The following AK6 variants were observed in gnomAD, a reference collection of about 807,000 sequenced individuals.
AK6 encodes adenylate kinase 6.
In AK6, 24 loss-of-function variants were observed where a neutral mutation model predicts 23.7. The ratio of observed to expected loss-of-function variants is 1.01; its 90% CI spans 0.73 to 1.43. AK6 has a LOEUF of 1.43. Ranked by LOEUF, AK6 falls within the 40% of genes most tolerant of loss-of-function variation. The pLI, the probability that AK6 is intolerant of heterozygous loss-of-function variation, is 0.00. For synonymous variants in AK6, 73 were observed against 69.8 expected (o/e 1.05, Z -0.23); for missense variants, 191 against 199.1 (o/e 0.96, Z 0.24).
At chr5:69,364,397 T>C (rs1029257359) in intron 2 of AK6, among the ~76,000 whole-genome samples, 1 of 152,032 alleles carries the variant, frequency 6.6e-6, no homozygotes, top group Non-Finnish European at 1.5e-5. Flanking sequence ...TAAGGGTCCT[T>C]AATATAACCA....
chr5:69,360,304 G>A (rs559482953), intron 2 of AK6, among the ~76,000 whole-genome samples: 1 of 152,328 alleles, frequency 6.6e-6, no homozygotes, highest in East Asian at 1.9e-4. Context: ...CTGTAGGGAT[G>A]TGTAGGAGAA....
At chr5:69,369,584 G>A, upstream of AK6, 1 of 1,599,204 alleles carries the variant, frequency 6.3e-7, no homozygotes, top group Non-Finnish European at 8.5e-7. Flanking sequence ...AAAGCCCACG[G>A]CCCCAAAGGC....
chr5:69,355,653 T>G lies in AK6; in HGVS notation c.322A>C (p.Thr108Pro). The part of the protein sequence containing the change: ...DTNVLYERLE[T>P]RGYNEKKLTD... ...CTAATGTTTTTCCTTTCTTACCTTG[T>G]TTCAAGTCTTTCGTACAATACATTG... The change falls in exon 4 of 5, where the codon ACA becomes CCA. Residue 108 changes from threonine (T) to proline (P), a missense_variant. Physicochemically the swap from Thr to Pro is conservative, Grantham distance 38. Transcript: ENST00000380822. 1 of 1,594,362 alleles carries G rather than the reference T, an allele frequency of 6.3e-7. No individual in the cohort carries two copies. The highest frequency in any genetic ancestry group is 8.5e-7 in the Non-Finnish European group (1 of 1,173,814).
intron 4 of AK6, 146 bp downstream of exon 4, chr5:69,355,503 C>T (rs1034391472): frequency 8.4e-6 from 7 of 828,838 alleles, no homozygotes; most frequent in Admixed American, 6.4e-5. Flanking sequence ...TGCCCTCCAG[C>T]CTGGGTGACA....
At chr5:69,361,741 A>G (rs1215132632) in intron 2 of AK6, among the ~76,000 whole-genome samples, 1 of 151,402 alleles carries the variant, frequency 6.6e-6, no homozygotes, top group East Asian at 2.0e-4. Flanking sequence ...AGTAGCTGGG[A>G]TTACTGGGGC....
chr5:69,369,241 C>CCCCCCCCCCCA, intron 1 of AK6: 1 of 240,186 alleles, frequency 4.2e-6, no homozygotes, highest in Non-Finnish European at 7.9e-6. Flanking sequence ...CCCCCGCCCC[C>CCCCCCCCCCCA]CCCCGGAGCC....
At chr5:69,353,600 A>G (rs1271406015) in intron 4 of AK6, among the ~76,000 whole-genome samples, 1 of 152,058 alleles carries the variant, frequency 6.6e-6, no homozygotes, top group Non-Finnish European at 1.5e-5. Flanking sequence ...CCACCCCCAA[A>G]ATTTTCTAAA....
intron 2 of AK6, chr5:69,364,896 C>G: frequency 6.6e-7 from 1 of 1,522,052 alleles, no homozygotes; most frequent in Non-Finnish European, 8.9e-7. Context: ...AATATCAGTA[C>G]AATGAATTCA....
In AK6 at chr5:69,369,463, C is replaced by A; in HGVS notation, c.28G>T (p.Gly10Cys). 6.2e-7 allele frequency: 1 copy of A among 1,610,758 alleles called. No homozygotes were observed. Among genetic ancestry groups the A allele is most frequent in the Non-Finnish European group, 8.5e-7 (1 of 1,179,176 alleles). MLLPNILLTGTPGVGKTTLG... is the reference protein window; with the variant it reads MLLPNILLTCTPGVGKTTLG... ...GTCCCTCCCGGCCGCGCGCCCTGAC[C>A]GGTGAGCAGGATGTTCGGAAGCAAC... Residue 10 changes from glycine (G) to cysteine (C), a missense_variant and splice_region_variant, in exon 1 of 5, where the codon GGT (glycine) becomes TGT (cysteine). Gly to Cys is a radical substitution (Grantham distance 159, BLOSUM62 -3). Transcript: ENST00000380822.
chr5:69,362,849 T>C (rs902886038), intron 2 of AK6, among the ~76,000 whole-genome samples: 1 of 152,154 alleles, frequency 6.6e-6, no homozygotes, highest in Non-Finnish European at 1.5e-5. Context: ...GAAAAAATAC[T>C]TTTCCTTTAA....
intron 2 of AK6, among the ~76,000 whole-genome samples, chr5:69,360,286 T>C (rs955819946): frequency 1.3e-5 from 2 of 152,076 alleles, no homozygotes; most frequent in South Asian, 2.1e-4. Flanking sequence ...CTTGATGAAA[T>C]AGGGGTACTG....
intron 2 of AK6, among the ~76,000 whole-genome samples, chr5:69,362,366 T>C (rs1412372672): frequency 6.6e-6 from 1 of 152,138 alleles, no homozygotes; most frequent in Non-Finnish European, 1.5e-5. Flanking sequence ...TCATTATAGA[T>C]GATTGCCTGG....
chr5:69,366,460 T>TAAA, intron 2 of AK6, 43 bp downstream of exon 2: 3 of 1,299,284 alleles, frequency 2.3e-6, no homozygotes, highest in Non-Finnish European at 2.1e-6. Context: ...TACCAGACCT[T>TAAA]AAAAAAAAAA....
chr5:69,361,446 C>CTTTTTTTTTTTTTTT (rs200519136), intron 2 of AK6, among the ~76,000 whole-genome samples: 1 of 146,822 alleles, frequency 6.8e-6, no homozygotes, highest in East Asian at 2.0e-4. Flanking sequence ...TAATAGTTTT[C>CTTTTTTTTTTTTTTT]TTTTTTTTTT....
At chr5:69,364,944 T>G in intron 2 of AK6, 3 of 1,607,208 alleles carry the variant, frequency 1.9e-6, no homozygotes, top group Non-Finnish European at 2.5e-6. Context: ...AAGGCTAGAT[T>G]ACAGATTATC....
intron 2 of AK6, among the ~76,000 whole-genome samples, chr5:69,361,029 C>G (rs1483693334): frequency 6.6e-6 from 1 of 152,054 alleles, no homozygotes; most frequent in Non-Finnish European, 1.5e-5. Flanking sequence ...AAACTGCTGC[C>G]AGGAAAATTA....
intron 4 of AK6, among the ~76,000 whole-genome samples, chr5:69,353,364 CT>C (rs1297981611): frequency 1.3e-5 from 2 of 151,586 alleles, no homozygotes; most frequent in East Asian, 3.9e-4. Context: ...GTGGTGTGAT[CT>C]CGGCTCACTG....
Position 69,351,766 on chromosome 5 carries a change from T to C in AK6, c.*295A>G, listed in dbSNP as rs537711339. The C allele has an allele frequency of 3.9e-6, 1 of 253,506 alleles. No homozygotes were observed. Among genetic ancestry groups the C allele is most frequent in the East Asian group, 7.6e-5 (1 of 13,174 alleles). The allele number at this position is 253,506 out of a possible 1,614,324, so 15.7% of individuals were successfully genotyped here. Reference sequence around the variant, plus strand: ...TTTTATTTTAAGAGATCATCTGCATTTTTTTCTGTAATAAACTTAAAAGAT... The same window carrying C: ...TTTTATTTTAAGAGATCATCTGCATCTTTTTCTGTAATAAACTTAAAAGAT... On this transcript the variant is annotated 3_prime_UTR_variant, in exon 5 of 5. Transcript: ENST00000380822.
At position 69,364,941 on chromosome 5, in the gene AK6, G is replaced by A. The variant is rs138549217; in HGVS notation, c.121+1562C>T. On this transcript the variant is annotated intron_variant, in intron 2 of 4. Coordinates refer to ENST00000380822, the MANE Select transcript of AK6 (RefSeq NM_016283.5). Reference sequence around the variant, plus strand: ...ATACATGTTACATTCAGCAAGGCTAGATTACAGATTATCATAGTCATCATC... The same window carrying A: ...ATACATGTTACATTCAGCAAGGCTAAATTACAGATTATCATAGTCATCATC... The A allele has an allele frequency of 4.4e-6, 7 of 1,605,460 alleles. No homozygotes were observed. The African/African-American group carries it at 8.0e-5, about 18-fold the overall frequency.
Sources: gnomAD v4.1 joint callset for allele counts (sites outside exome capture counted in the v4.1 genomes callset) on GRCh38, gnomAD v4.1.1 for gene constraint, MANE v1.5 for transcripts, NCBI Gene and HGNC (gene_info 2026-07-23, HGNC 2026-07-21) for gene names.